The following TMEM42 variants were observed in gnomAD, a reference collection of about 807,000 sequenced individuals.
The protein encoded by TMEM42 is transmembrane protein 42.
TMEM42 carries 8 observed loss-of-function variants against 14.0 expected under a neutral mutation model. The observed-to-expected ratio is 0.57, with a 90% CI of 0.34 to 1.03. The LOEUF is 1.03. Ranked by LOEUF, TMEM42 falls within the 50% of genes least tolerant of loss-of-function variation. TMEM42 has a pLI of 0.03. For missense variants in TMEM42, 211 were observed against 219.8 expected, an observed-to-expected ratio of 0.96 and a Z score of 0.25; for synonymous variants, 115 against 94.3, an observed-to-expected ratio of 1.22 and a Z score of -1.27.
chr3:44,863,845 T>A (rs922710864), intron 1 of TMEM42: 2 of 253,718 alleles, frequency 7.9e-6, no homozygotes. Context: ...AAGAACTACT[T>A]GGCCCTCTGG....
intron 2 of TMEM42, among the ~76,000 whole-genome samples, chr3:44,864,809 C>A (rs950676150): frequency 1.3e-5 from 2 of 152,192 alleles, no homozygotes; most frequent in Admixed American, 1.3e-4. Context: ...TCTGCTGGGT[C>A]TTTCTTGTGT....
intron 1 of TMEM42, chr3:44,862,794 A>C (rs1327488158): frequency 2.0e-5 from 3 of 151,994 alleles, no homozygotes; most frequent in African/African-American, 7.3e-5. Context: ...CTGCAGCCCA[A>C]GGTTAGCCTC....
At chr3:44,863,954 C>T in intron 1 of TMEM42, 1 of 525,420 alleles carries the variant, frequency 1.9e-6, no homozygotes, top group Non-Finnish European at 3.4e-6. Flanking sequence ...TTCCCAAGAT[C>T]ATATGGCCAG....
chr3:44,862,163 G>C, intron 1 of TMEM42, 47 bp downstream of exon 1: 1 of 597,724 alleles, frequency 1.7e-6, no homozygotes, highest in Non-Finnish European at 2.1e-6. Flanking sequence ...GCGGGCGGGC[G>C]GGGCGCCGCT....
chr3:44,864,142 G>C (rs1388149476), intron 1 of TMEM42, 55 bp from the exon 2 acceptor site: 2 of 1,608,756 alleles, frequency 1.2e-6, no homozygotes, highest in Non-Finnish European at 1.7e-6. Context: ...CTTTGAGGGG[G>C]TCTGCAGGTT....
intron 1 of TMEM42, chr3:44,862,922 G>A (rs372497940): frequency 6.6e-6 from 1 of 151,856 alleles, no homozygotes; most frequent in East Asian, 1.9e-4. Flanking sequence ...GTAAGTGGTC[G>A]AAAGTAAAAT....
chr3:44,863,616 T>C (rs932922720), intron 1 of TMEM42: 6 of 152,676 alleles, frequency 3.9e-5, no homozygotes, highest in African/African-American at 1.4e-4. Context: ...CCTGGCTCTT[T>C]ATCTGTAAAA....
In TMEM42 at chr3:44,863,310, C is replaced by A. The variant is rs998010828; in HGVS notation, c.193-887C>A. ...ATATTTAGATTCCGCACCCCCCCCC[C>A]CCGCCGCCTTGTCTCCAGGCAGGTT... On this transcript the variant is annotated intron_variant, in intron 1 of 2. Transcript: ENST00000302392. The A allele has an allele frequency of 6.8e-5, 8 of 117,436 alleles. 1 individual carries two copies. The highest frequency in any genetic ancestry group is 9.7e-4 in the South Asian group (2 of 2,060). 7.3% of individuals were successfully genotyped at this position (117,436 alleles called of 1,614,324 possible).
intron 2 of TMEM42, among the ~76,000 whole-genome samples, chr3:44,864,607 G>C (rs1699300606): frequency 6.6e-6 from 1 of 152,186 alleles, no homozygotes; most frequent in South Asian, 2.1e-4. Flanking sequence ...CCCTCATTCT[G>C]AAGTCACTGT....
chr3:44,864,444 A>G, intron 2 of TMEM42, 101 bp downstream of exon 2: 1 of 1,476,546 alleles, frequency 6.8e-7, no homozygotes, highest in Non-Finnish European at 9.3e-7. Flanking sequence ...AAGGACAGGA[A>G]CTGAAGCAGA....
chr3:44,862,054 CTG>C lies in TMEM42; in HGVS notation c.133_134del (p.Cys45ArgfsTer44), dbSNP rs770406547. ...CCGCTTTTGGGGCGTATTCAACTGT[CTG>C]TGCGCCGGCGCGTTCGGGGCCCTGG... Reference protein sequence around the residue: ...RRRFWGVFNCLCAGAFGALAA... With the variant: ...RRRFWGVFNCXCAGAFGALAA... On this transcript the variant is annotated frameshift_variant, in exon 1 of 3. Coordinates refer to ENST00000302392, the MANE Select transcript of TMEM42 (RefSeq NM_144638.3). LOFTEE classifies it high-confidence loss of function. 5.4e-6 allele frequency: 7 copies of C among 1,295,922 alleles called. No homozygotes were observed. In the East Asian group the frequency reaches 1.3e-4, roughly 24 times the overall value. 80.3% of individuals were successfully genotyped at this position (1,295,922 alleles called of 1,614,324 possible).
At chr3:44,864,912 T>G (rs1485291086) in intron 2 of TMEM42, 128 bp from the exon 3 acceptor site, 1 of 1,256,812 alleles carries the variant, frequency 8.0e-7, no homozygotes, top group Non-Finnish European at 1.1e-6. Context: ...GACAGCTAGG[T>G]TTCAAGCCCA....
chr3:44,864,468 C>T (rs1362730038), intron 2 of TMEM42, 125 bp downstream of exon 2: 2 of 1,203,390 alleles, frequency 1.7e-6, no homozygotes, highest in African/African-American at 1.5e-5. Context: ...TGGGCTGTGG[C>T]TTGACCCCTG....
Position 44,862,000 on chromosome 3 carries a change from C to T in TMEM42, c.76C>T (p.Pro26Ser), listed in dbSNP as rs899775393. Residue 26 changes from proline to serine, a missense_variant, in exon 1 of 3, where the codon CCG becomes TCG. Pro to Ser is a moderately conservative substitution (Grantham distance 74, BLOSUM62 -1). Coordinates refer to ENST00000302392, the MANE Select transcript of TMEM42 (RefSeq NM_144638.3). ...CCCTGACACCCCCGCGGAATTCCCT[C>T]CGCACCTCCAGGCGGGTGCGATGCG... ...AYPDTPAEFP[P>S]HLQAGAMRRR... 5.8e-6 allele frequency: 8 copies of T among 1,387,254 alleles called. No homozygotes were observed. The highest frequency in any genetic ancestry group is 7.5e-6 in the Non-Finnish European group (8 of 1,069,996). The allele number at this position is 1,387,254 out of a possible 1,614,324, so 85.9% of individuals were successfully genotyped here.
chr3:44,864,174 T>C, intron 1 of TMEM42, 23 bp from the exon 2 acceptor site: 1 of 1,612,944 alleles, frequency 6.2e-7, no homozygotes, highest in Non-Finnish European at 8.5e-7. Flanking sequence ...TGGACGTGGC[T>C]GCAGTGACAC....
intron 1 of TMEM42, chr3:44,863,303 C>CCT (rs1008476654): frequency 4.2e-5 from 4 of 95,472 alleles, no homozygotes; most frequent in African/African-American, 1.3e-4. Flanking sequence ...ATTCCGCACC[C>CCT]CCCCCCCCCG....
chr3:44,863,300 A>ACCCCCCCCCCCCCCCCCCCCCCCCC (rs756721633), intron 1 of TMEM42: 1 of 35,060 alleles, frequency 2.9e-5, no homozygotes, highest in Admixed American at 4.5e-4. Flanking sequence ...TAGATTCCGC[A>ACCCCCCCCCCCCCCCCCCCCCCCCC]CCCCCCCCCC....
chr3:44,865,255 T>C lies in TMEM42; in HGVS notation c.*75T>C, dbSNP rs1006229888. 3.2e-6 allele frequency: 5 copies of C among 1,583,046 alleles called. No individual in the cohort carries two copies. The highest frequency in any genetic ancestry group is 4.3e-6 in the Non-Finnish European group (5 of 1,155,932). On this transcript the variant is annotated 3_prime_UTR_variant, in exon 3 of 3. Transcript: ENST00000302392. ...CCTTGGGATGTCATGTGGGACTGTA[T>C]CCTAGGGCGATCCAGTTGTGCAGCC...
In TMEM42 at chr3:44,864,180, G is replaced by A. The variant is rs775138032; in HGVS notation, c.193-17G>A. The A allele has an allele frequency of 9.3e-6, 15 of 1,613,222 alleles. No homozygotes were observed. Among genetic ancestry groups the A allele is most frequent in the African/African-American group, 2.7e-5 (2 of 75,004 alleles). On this transcript the variant is annotated splice_polypyrimidine_tract_variant and intron_variant, in intron 1 of 2. Coordinates refer to ENST00000302392, the MANE Select transcript of TMEM42 (RefSeq NM_144638.3). The stretch of plus-strand genomic sequence containing the variant: ...TGCCCAGGGTGGACGTGGCTGCAGT[G>A]ACACTTTCTCCTGCAGGTGAGCATG...
Sources: allele counts gnomAD v4.1 joint callset (sites outside exome capture counted in the v4.1 genomes callset), GRCh38; gene constraint gnomAD v4.1.1; transcripts MANE v1.5; gene names NCBI Gene and HGNC (gene_info 2026-07-23, HGNC 2026-07-21).